The following DCAF13 variants were observed in gnomAD, a reference collection of about 807,000 sequenced individuals.
The protein encoded by DCAF13 is DDB1- and CUL4-associated factor 13.
Under a neutral mutation model 59.0 loss-of-function variants are expected in DCAF13, and 38 were observed. That is an observed-to-expected ratio of 0.64 (90% CI 0.50 to 0.84). DCAF13 has a LOEUF of 0.84. Ranked by LOEUF, DCAF13 falls within the 40% of genes least tolerant of loss-of-function variation. The pLI is 0.00. For synonymous variants in DCAF13, 173 were observed against 175.0 expected (o/e 0.99, Z 0.09); for missense variants, 469 against 558.4 (o/e 0.84, Z 1.61).
intron 1 of DCAF13, among the ~76,000 whole-genome samples, chr8:103,417,564 C>T (rs1816638022): frequency 6.6e-6 from 1 of 150,582 alleles, no homozygotes. Flanking sequence ...ATGGTGTGAA[C>T]CCAGGAGGCA....
At chr8:103,426,009 A>G (rs1339147280) in intron 3 of DCAF13, 47 bp from the exon 4 acceptor site, 3 of 1,335,754 alleles carry the variant, frequency 2.2e-6, no homozygotes, top group Non-Finnish European at 3.2e-6. Flanking sequence ...GTTTTAATTT[A>G]TAACTGTTGT....
intron 3 of DCAF13, among the ~76,000 whole-genome samples, chr8:103,425,466 A>G (rs947872486): frequency 6.6e-6 from 1 of 152,204 alleles, no homozygotes; most frequent in African/African-American, 2.4e-5. Flanking sequence ...CTATGTCTTT[A>G]CTAACATTAT....
chr8:103,428,797 C>T (rs1027240070), intron 5 of DCAF13: 6 of 151,944 alleles, frequency 3.9e-5, no homozygotes, highest in Admixed American at 3.3e-4. Flanking sequence ...CTTTGGTGAA[C>T]ATCTGTGTCA....
chr8:103,427,149 G>A lies in DCAF13; in HGVS notation c.521G>A (p.Cys174Tyr), dbSNP rs1816803631. The A allele has an allele frequency of 1.9e-6, 3 of 1,613,382 alleles. No homozygotes were observed. The highest frequency in any genetic ancestry group is 2.5e-6 in the Non-Finnish European group (3 of 1,179,610). Residue 174 changes from cysteine (C) to tyrosine (Y), a missense_variant, in exon 5 of 11, where the codon TGT (cysteine) becomes TAT (tyrosine). This residue lies in a region of DCAF13 where 355 missense variants were observed against 399.1 expected (regional missense o/e 0.89). Coordinates refer to ENST00000612750, the MANE Select transcript of DCAF13 (RefSeq NM_015420.7). ...HHWKEAVFATCGQQVDIWDEQ... is the reference protein window; with the variant it reads ...HHWKEAVFATYGQQVDIWDEQ... ...TGGAAAGAAGCTGTTTTTGCCACAT[G>A]TGGACAGCAAGTAGACATTTGGGAT...
At chr8:103,424,701 T>C (rs1292467821) in intron 3 of DCAF13, among the ~76,000 whole-genome samples, 3 of 152,202 alleles carry the variant, frequency 2.0e-5, no homozygotes, top group Non-Finnish European at 4.4e-5. Flanking sequence ...AGAAACTTGA[T>C]GGAGGGATAG....
At position 103,421,055 on chromosome 8, in the gene DCAF13, T is replaced by G. The variant is rs767792186; in HGVS notation, c.351T>G (p.Thr117=). ...AAGGCTTTGTACGAGGAATATGTAC[T>G]CGCTTTTGTGGGACTTCTTTTTTCA... ...AHEGFVRGIC[T]RFCGTSFFTV... The change falls in exon 3 of 11, where the codon ACT becomes ACG. Residue 117 remains threonine, a synonymous_variant. Coordinates refer to ENST00000612750, the MANE Select transcript of DCAF13 (RefSeq NM_015420.7). 3 of 1,612,944 alleles carry G rather than the reference T, an allele frequency of 1.9e-6. No homozygotes were observed. The highest frequency in any genetic ancestry group is 3.3e-4 in the Middle Eastern group (2 of 6,056).
chr8:103,420,389 C>T lies in DCAF13; in HGVS notation c.196C>T (p.Arg66Cys), dbSNP rs149431013. 81 of 1,613,992 alleles carry T rather than the reference C, an allele frequency of 5.0e-5. No homozygotes were observed. Among genetic ancestry groups the T allele is most frequent in the African/African-American group, 4.4e-4 (33 of 74,896 alleles). ...ATTCCTTGCTTCGCTGGATGGTCAC[C>T]GTGATGGAGTCAATTGCTTGGCAAA... Reference protein sequence around the residue: ...KPFLASLDGHRDGVNCLAKHP... With the variant: ...KPFLASLDGHCDGVNCLAKHP... The change falls in exon 2 of 11, where the codon CGT (arginine) becomes TGT (cysteine). Residue 66 changes from arginine to cysteine, a missense_variant. Physicochemically the swap from Arg to Cys is radical, Grantham distance 180. This residue lies in a region of DCAF13 where 355 missense variants were observed against 399.1 expected (regional missense o/e 0.89). Coordinates refer to ENST00000612750, the MANE Select transcript of DCAF13 (RefSeq NM_015420.7).
chr8:103,417,540 G>A (rs1161043084), intron 1 of DCAF13, among the ~76,000 whole-genome samples: 7 of 151,652 alleles, frequency 4.6e-5, no homozygotes, highest in Admixed American at 4.6e-4. Flanking sequence ...TACTCAGGAG[G>A]CTGAGGCGGG....
chr8:103,438,326 C>G (rs1343142575), intron 8 of DCAF13, among the ~76,000 whole-genome samples: 1 of 151,870 alleles, frequency 6.6e-6, no homozygotes, highest in Non-Finnish European at 1.5e-5. Context: ...CATCCCCTCT[C>G]TTTTAAAAAT....
At chr8:103,425,349 T>C (rs918536604) in intron 3 of DCAF13, among the ~76,000 whole-genome samples, 9 of 152,232 alleles carry the variant, frequency 5.9e-5, no homozygotes, top group African/African-American at 1.9e-4. Context: ...CATGTCTAAA[T>C]TACCATAGTT....
At chr8:103,424,258 A>G (rs1002098792) in intron 3 of DCAF13, among the ~76,000 whole-genome samples, 1 of 151,940 alleles carries the variant, frequency 6.6e-6, no homozygotes, top group Non-Finnish European at 1.5e-5. Context: ...CGATCTCCTG[A>G]CCTAGTGATC....
At chr8:103,440,852 A>G (rs1234447348) in intron 9 of DCAF13, 1 of 150,432 alleles carries the variant, frequency 6.6e-6, no homozygotes, top group Non-Finnish European at 1.5e-5. Flanking sequence ...TATAAGAAAC[A>G]GAGTGTTTAT....
At chr8:103,423,748 G>A (rs75480159) in intron 3 of DCAF13, among the ~76,000 whole-genome samples, 5,272 of 152,146 alleles carry the variant, frequency 0.035, 294 homozygotes, top group African/African-American at 0.12. Context: ...CAGTGTCTAC[G>A]TGTATCAAAA....
intron 7 of DCAF13, among the ~76,000 whole-genome samples, chr8:103,434,844 AGTTTCTC>A (rs1292256484): frequency 6.6e-6 from 1 of 152,108 alleles, no homozygotes; most frequent in Non-Finnish European, 1.5e-5. Flanking sequence ...CATAAAGTAT[AGTTTCTC>A]ATTTTGATTC....
At chr8:103,424,964 C>G (rs142248983) in intron 3 of DCAF13, among the ~76,000 whole-genome samples, 2 of 152,108 alleles carry the variant, frequency 1.3e-5, no homozygotes, top group South Asian at 4.1e-4. Context: ...TTCTGTTCAT[C>G]GACATCCTCA....
intron 5 of DCAF13, chr8:103,429,790 T>A (rs1282774101): frequency 1.3e-5 from 2 of 152,218 alleles, no homozygotes; most frequent in African/African-American, 4.8e-5. Flanking sequence ...CACTACCCAG[T>A]GCTGCCCAGT....
In DCAF13 at chr8:103,442,918, G is replaced by A. The variant is rs1817029746; in HGVS notation, c.*36G>A. 2.1e-6 allele frequency: 3 copies of A among 1,425,736 alleles called. No homozygotes were observed. Among genetic ancestry groups the A allele is most frequent in the South Asian group, 2.6e-5 (2 of 78,316 alleles). The allele number at this position is 1,425,736 out of a possible 1,614,324, so 88.3% of individuals were successfully genotyped here. A position where few individuals can be genotyped will look rare whatever the true frequency, so the allele number is the denominator to read the frequency against. Reference sequence around the variant, plus strand: ...TAACAATCCTGATGTATAATTATTTGTTACTTTTGATTTGAGAACTCTACA... The same window carrying A: ...TAACAATCCTGATGTATAATTATTTATTACTTTTGATTTGAGAACTCTACA... On this transcript the variant is annotated 3_prime_UTR_variant, in exon 11 of 11. Transcript: ENST00000612750.
intron 1 of DCAF13, among the ~76,000 whole-genome samples, chr8:103,419,381 G>C (rs941142141): frequency 6.6e-6 from 1 of 152,114 alleles, no homozygotes; most frequent in South Asian, 2.1e-4. Context: ...AGGATGCTGT[G>C]GAGATTAAAC....
At chr8:103,428,697 G>T (rs1563504366) in intron 5 of DCAF13, 1 of 151,378 alleles carries the variant, frequency 6.6e-6, no homozygotes, top group African/African-American at 2.4e-5. Flanking sequence ...GATGGTGACG[G>T]TATTACGTAC....
Sources: gnomAD v4.1 joint callset for allele counts (sites outside exome capture counted in the v4.1 genomes callset) on GRCh38, gnomAD v4.1.1 for gene constraint, gnomAD v4.1.1 regional missense constraint, MANE v1.5 for transcripts, NCBI Gene and HGNC (gene_info 2026-07-23, HGNC 2026-07-21) for gene names.